Variants in HMSD observed in about 807,000 individuals in gnomAD.
The protein encoded by HMSD is histocompatibility minor serpin domain containing.
Under a neutral mutation model 10.0 loss-of-function variants are expected in HMSD, and 13 were observed. The ratio of observed to expected loss-of-function variants is 1.31; its 90% CI spans 0.85 to 2.08. The LOEUF (loss-of-function observed/expected upper bound fraction) is 2.08. HMSD is among the 30% of genes most tolerant of loss of function. The pLI is 0.00. For missense variants in HMSD, 169 were observed against 166.3 expected (o/e 1.02, Z -0.09); for synonymous variants, 51 against 54.2 (o/e 0.94, Z 0.26).
chr18:63,961,293 A>C lies in HMSD; in HGVS notation c.*938A>C, dbSNP rs1346110025. On this transcript the variant is annotated 3_prime_UTR_variant, in exon 4 of 4. Coordinates refer to ENST00000408945, the MANE Select transcript of HMSD (RefSeq NM_001123366.2). ...TAATGGTTTTATCTGTTATAGAAAT[A>C]TAATATAATCAGACTTTAGCCATGT... The C allele has an allele frequency of 2.6e-5, 4 of 152,214 alleles. No individual in the cohort carries two copies. The highest frequency in any genetic ancestry group is 2.0e-4 in the Admixed American group (3 of 15,288). 9.4% of individuals were successfully genotyped at this position (152,214 alleles called of 1,614,324 possible).
Position 63,960,358 on chromosome 18 carries a change from A to C in HMSD, c.*3A>C. 1 of 1,572,742 alleles carries C rather than the reference A, an allele frequency of 6.4e-7. No homozygotes were observed. Among genetic ancestry groups the C allele is most frequent in the Non-Finnish European group, 8.6e-7 (1 of 1,160,928 alleles). On this transcript the variant is annotated 3_prime_UTR_variant, in exon 4 of 4. Transcript: ENST00000408945. The stretch of plus-strand genomic sequence containing the variant: ...CTTTACAAAACTGTCAAATATAAAA[A>C]GGAGTCCTTTTTTCTCTAAACAACT...
At chr18:63,959,164 G>T (rs2144762182) in intron 3 of HMSD, among the ~76,000 whole-genome samples, 1 of 152,078 alleles carries the variant, frequency 6.6e-6, no homozygotes, top group South Asian at 2.1e-4. Flanking sequence ...ATGAATATTT[G>T]TGTGCAGGTT....
At chr18:63,962,948 C>A (rs1469338182), downstream of HMSD, among the ~76,000 whole-genome samples, 6 of 152,138 alleles carry the variant, frequency 3.9e-5, no homozygotes, top group East Asian at 1.2e-3. Flanking sequence ...CAGATCATAG[C>A]ATGGACCATG....
downstream of HMSD, among the ~76,000 whole-genome samples, chr18:63,963,133 C>CTTTT (rs748638278): frequency 6.3e-3 from 679 of 108,442 alleles, 11 homozygotes; most frequent in African/African-American, 0.01. Flanking sequence ...TTCTTTCTTT[C>CTTTT]CTTTCTTTCT....
At chr18:63,954,055 G>A (rs2050344471) in intron 2 of HMSD, among the ~76,000 whole-genome samples, 1 of 152,198 alleles carries the variant, frequency 6.6e-6, no homozygotes, top group Non-Finnish European at 1.5e-5. Flanking sequence ...GGAGCACCAT[G>A]TGTATGCAGA....
Position 63,960,250 on chromosome 18 carries a change from C to A in HMSD, c.315C>A (p.Asn105Lys). 1 of 1,613,264 alleles carries A rather than the reference C, an allele frequency of 6.2e-7. No homozygotes were observed. The highest frequency in any genetic ancestry group is 8.5e-7 in the Non-Finnish European group (1 of 1,179,748). The part of the protein sequence containing the change: ...NDTEKSTTRV[N>K]SWVADKTKGE... ...CAGAGAAGTCCACAACACGTGTAAA[C>A]TCCTGGGTTGCTGATAAAACTAAAG... The change falls in exon 4 of 4, where the codon AAC (asparagine) becomes AAA (lysine). Residue 105 changes from asparagine to lysine, a missense_variant. Transcript: ENST00000408945.
chr18:63,963,227 GCTTC>G (rs1377691451), downstream of HMSD, among the ~76,000 whole-genome samples: 18 of 66,252 alleles, frequency 2.7e-4, no homozygotes, highest in South Asian at 1.9e-3. Flanking sequence ...TTCCTTCCTT[GCTTC>G]CTTCCTTCCT....
rs370534879 is a variant in HMSD, at chr18:63,954,403, T to G, written c.73-5T>G. ...TGTGTATGTTTATTATTATTTTATTTTCAGGCACTTTGTTTTAGTAAAATC... is the reference window on the plus strand; with the variant it reads ...TGTGTATGTTTATTATTATTTTATTGTCAGGCACTTTGTTTTAGTAAAATC... On this transcript the variant is annotated splice_region_variant and splice_polypyrimidine_tract_variant and intron_variant, in intron 2 of 3. Coordinates refer to ENST00000408945, the MANE Select transcript of HMSD (RefSeq NM_001123366.2). The G allele has an allele frequency of 1.8e-5, 29 of 1,606,064 alleles. No homozygotes were observed. In the African/African-American group the frequency reaches 3.6e-4, roughly 20 times the overall value.
At chr18:63,966,793 A>C (rs1291152406), downstream of HMSD, 1 of 152,246 alleles carries the variant, frequency 6.6e-6, no homozygotes, top group East Asian at 1.9e-4. Flanking sequence ...TACTGACTGT[A>C]GTCTCAATTC....
chr18:63,968,437 C>T (rs1433926472), intron 3 of HMSD: 3 of 152,242 alleles, frequency 2.0e-5, no homozygotes, highest in Non-Finnish European at 4.4e-5. Flanking sequence ...GCCTCATCCA[C>T]ACTATCTGTA....
chr18:63,952,353 T>C (rs2050335811), intron 1 of HMSD, among the ~76,000 whole-genome samples: 1 of 151,992 alleles, frequency 6.6e-6, no homozygotes, highest in Admixed American at 6.5e-5. Flanking sequence ...ATTAATTTCA[T>C]AAAAGCACAA....
chr18:63,964,523 G>T (rs1385986774), downstream of HMSD, among the ~76,000 whole-genome samples: 1 of 152,144 alleles, frequency 6.6e-6, no homozygotes, highest in Non-Finnish European at 1.5e-5. Context: ...TTGGGCAACA[G>T]AGTGAGACAC....
Position 63,953,446 on chromosome 18 carries a change from T to G in HMSD, c.-10T>G, listed in dbSNP as rs780996189. ...GGGGAAAACAACTCAAACAACTTATTTTTTTCCCCATGAGCATATCATCAG... is the reference window on the plus strand; with the variant it reads ...GGGGAAAACAACTCAAACAACTTATGTTTTTCCCCATGAGCATATCATCAG... On this transcript the variant is annotated 5_prime_UTR_variant, in exon 2 of 4. In the 5' UTR this introduces an upstream ATG that the reference lacks. Coordinates refer to ENST00000408945, the MANE Select transcript of HMSD (RefSeq NM_001123366.2). 1.9e-6 allele frequency: 3 copies of G among 1,612,828 alleles called. No homozygotes were observed. The highest frequency in any genetic ancestry group is 2.7e-5 in the African/African-American group (2 of 74,996).
chr18:63,956,881 C>T (rs549115847), intron 3 of HMSD, among the ~76,000 whole-genome samples: 6 of 152,192 alleles, frequency 3.9e-5, no homozygotes, highest in South Asian at 2.1e-4. Flanking sequence ...CCACGAAATA[C>T]GATGCAGCCA....
chr18:63,954,498 G>T lies in HMSD; in HGVS notation c.163G>T (p.Glu55Ter), dbSNP rs1236436142. The change falls in exon 3 of 4, where the codon GAA (glutamate) becomes TAA (stop). Residue 55 changes from glutamate (E) to a stop codon, truncating the protein, a stop_gained. Coordinates refer to ENST00000408945, the MANE Select transcript of HMSD (RefSeq NM_001123366.2). LOFTEE classifies it high-confidence loss of function. ...LLVAINRTDT[E>*]YVLRTANGLF... ...TGTTGCAATTAACAGAACTGACACT[G>T]AATATGTGCTTAGAACTGCCAACGG... is the stretch of plus-strand genomic sequence containing the variant. 6 of 1,613,686 alleles carry T rather than the reference G, an allele frequency of 3.7e-6. No homozygotes were observed. The highest frequency in any genetic ancestry group is 5.1e-6 in the Non-Finnish European group (6 of 1,179,644).
rs55978412 is a variant in HMSD at position 63,957,307 on chromosome 18, C to CA, written c.222+2762dup. On this transcript the variant is annotated intron_variant, in intron 3 of 3. Transcript: ENST00000408945. ...GGTTAATACAAAACAAGAGAAGCAA[C>CA]AAAAAAAAAAAATAAAAACTTTTGA... Among the ~76,000 whole-genome samples, 464 of 144,020 alleles carry CA rather than the reference C, an allele frequency of 3.2e-3. 1 individual carries two copies. Among genetic ancestry groups the CA allele is most frequent in the East Asian group, 0.014 (72 of 5,004 alleles). The allele number at this position is 144,020 out of a possible 152,430, so 94.5% of individuals were successfully genotyped here.
At chr18:63,969,622 T>C (rs1403539542) in intron 3 of HMSD, 1 of 151,986 alleles carries the variant, frequency 6.6e-6, no homozygotes, top group East Asian at 1.9e-4. Flanking sequence ...GTGGAGGTCA[T>C]ACAAGAAGAT....
intron 3 of HMSD, among the ~76,000 whole-genome samples, chr18:63,957,845 A>C (rs553154278): frequency 3.3e-5 from 5 of 152,186 alleles, no homozygotes; most frequent in Non-Finnish European, 7.4e-5. Flanking sequence ...TTAATTTATT[A>C]TTTATTCTTA....
downstream of HMSD, among the ~76,000 whole-genome samples, chr18:63,962,762 G>C (rs2050391643): frequency 6.6e-6 from 1 of 152,172 alleles, no homozygotes; most frequent in African/African-American, 2.4e-5. Flanking sequence ...GAAGATGGAG[G>C]CAGTACCTTC....
Sources: allele counts gnomAD v4.1 joint callset (sites outside exome capture counted in the v4.1 genomes callset), GRCh38; gene constraint gnomAD v4.1.1; transcripts MANE v1.5; gene names NCBI Gene and HGNC (gene_info 2026-07-23, HGNC 2026-07-21).